Variants in TMEM132E observed in about 807,000 individuals in gnomAD.
The protein encoded by TMEM132E is transmembrane protein 132E.
Under a neutral mutation model 78.5 loss-of-function variants are expected in TMEM132E, and 49 were observed. The observed-to-expected ratio is 0.62, with a 90% CI of 0.50 to 0.79. The LOEUF is 0.79. Among genes scored for constraint, TMEM132E ranks in the 30% least tolerant of loss-of-function variants. TMEM132E has a pLI of 0.00. For synonymous variants in TMEM132E, 715 were observed against 670.6 expected, an observed-to-expected ratio of 1.07 and a Z score of -1.02; for missense variants, 1,403 against 1,470.9, an observed-to-expected ratio of 0.95 and a Z score of 0.75.
chr17:34,617,994 A>G (rs139064490), intron 1 of TMEM132E, among the ~76,000 whole-genome samples: 85 of 152,356 alleles, frequency 5.6e-4, no homozygotes, highest in African/African-American at 1.9e-3. Context: ...ATCTTTGTAC[A>G]TAAAATTGGT....
chr17:34,620,110 T>A (rs1597687340), intron 1 of TMEM132E, among the ~76,000 whole-genome samples: 1 of 152,142 alleles, frequency 6.6e-6, no homozygotes. Context: ...CCCCCACCCC[T>A]AGCCTGCCCG....
intron 1 of TMEM132E, among the ~76,000 whole-genome samples, chr17:34,615,549 G>GTGTGTGTA (rs1406111590): frequency 1.3e-5 from 2 of 150,536 alleles, no homozygotes; most frequent in African/African-American, 2.5e-5. Context: ...GTGTGTGTGT[G>GTGTGTGTA]TGTTAGCACA....
intron 2 of TMEM132E, 93 bp from the exon 3 acceptor site, chr17:34,628,470 C>T (rs1234567823): frequency 3.5e-6 from 5 of 1,434,408 alleles, no homozygotes; most frequent in Non-Finnish European, 4.7e-6. Context: ...TCTGTTCCCC[C>T]TCCCCCCAGT....
Position 34,626,242 on chromosome 17 carries a change from G to T in TMEM132E, c.183G>T (p.Ala61=). Residue 61 remains alanine, a synonymous_variant, in exon 2 of 9, where the codon GCG becomes GCT. Transcript: ENST00000631683. ...HTRLAFFLRE[A]RPPSPAVANS... is the part of the protein sequence containing the mutation. ...GGCTGGCCTTCTTCCTGCGGGAGGCGCGGCCCCCGTCACCCGCGGTCGCCA... is the reference window on the plus strand; with the variant it reads ...GGCTGGCCTTCTTCCTGCGGGAGGCTCGGCCCCCGTCACCCGCGGTCGCCA... 6.3e-7 allele frequency: 1 copy of T among 1,596,196 alleles called. No homozygotes were observed. Among genetic ancestry groups the T allele is most frequent in the Non-Finnish European group, 8.5e-7 (1 of 1,172,030 alleles).
chr17:34,590,255 C>T (rs887228), intron 1 of TMEM132E, among the ~76,000 whole-genome samples: 52,339 of 152,144 alleles, frequency 0.34, 11,378 homozygotes, highest in African/African-American at 0.59. Context: ...ACCAGGAATC[C>T]TCCCCCCCGG....
At chr17:34,629,778 A>T (rs552750064) in intron 4 of TMEM132E, among the ~76,000 whole-genome samples, 1 of 152,142 alleles carries the variant, frequency 6.6e-6, no homozygotes, top group Admixed American at 6.5e-5. Flanking sequence ...TCCCGGCAGC[A>T]CAGTGAGGTG....
chr17:34,638,368 C>G lies in TMEM132E; in HGVS notation c.*136C>G, dbSNP rs1048675088. 18 of 1,011,094 alleles carry G rather than the reference C, an allele frequency of 1.8e-5. No homozygotes were observed. The East Asian group carries it at 1.9e-4, about 11-fold the overall frequency. 62.6% of individuals were successfully genotyped at this position (1,011,094 alleles called of 1,614,324 possible). A position where few individuals can be genotyped will look rare whatever the true frequency, so the allele number is the denominator to read the frequency against. On this transcript the variant is annotated 3_prime_UTR_variant, in exon 9 of 9. Transcript: ENST00000631683. ...ACTCCCTGCCCCTGCAGCTTGGCTC[C>G]GTGCGGAGCGGGCCGCCTCAGTGTC... is the stretch of plus-strand genomic sequence containing the variant.
intron 1 of TMEM132E, among the ~76,000 whole-genome samples, chr17:34,616,948 C>T (rs1906801776): frequency 6.6e-6 from 1 of 152,218 alleles, no homozygotes; most frequent in South Asian, 2.1e-4. Context: ...AGAGCCGGGG[C>T]TGGGTTTTAA....
At chr17:34,622,154 A>G (rs1029339293) in intron 1 of TMEM132E, among the ~76,000 whole-genome samples, 1 of 152,170 alleles carries the variant, frequency 6.6e-6, no homozygotes, top group African/African-American at 2.4e-5. Context: ...GTCTCTGAAA[A>G]CTTGACAGAC....
intron 1 of TMEM132E, among the ~76,000 whole-genome samples, chr17:34,620,354 A>G (rs990578442): frequency 6.6e-6 from 1 of 152,214 alleles, no homozygotes; most frequent in African/African-American, 2.4e-5. Flanking sequence ...CAACTGTTCT[A>G]TAGTATTATA....
Position 34,626,138 on chromosome 17 carries a change from T to C in TMEM132E, c.79T>C (p.Ser27Pro). The C allele has an allele frequency of 6.6e-7, 1 of 1,523,164 alleles. No homozygotes were observed. Among genetic ancestry groups the C allele is most frequent in the Non-Finnish European group, 8.8e-7 (1 of 1,139,570 alleles). 94.4% of individuals were successfully genotyped at this position (1,523,164 alleles called of 1,614,324 possible). A position where few individuals can be genotyped will look rare whatever the true frequency, so the allele number is the denominator to read the frequency against. ...SALLAHASGRSHPASPSPPGP... is the reference protein window; with the variant it reads ...SALLAHASGRPHPASPSPPGP... ...CTGTCTGTCCCCAGCCTCTGGCCGC[T>C]CCCACCCGGCCAGCCCCAGCCCGCC... is the stretch of plus-strand genomic sequence containing the variant. The change falls in exon 2 of 9, where the codon TCC (serine) becomes CCC (proline). Residue 27 changes from serine to proline, a missense_variant. By Grantham distance (74) the Ser-to-Pro change is moderately conservative. This residue lies in a region of TMEM132E where 511 missense variants were observed against 499.0 expected (regional missense o/e 1.02). Coordinates refer to ENST00000631683, the MANE Select transcript of TMEM132E (RefSeq NM_001304438.2).
chr17:34,606,943 G>A (rs995860197), intron 1 of TMEM132E, among the ~76,000 whole-genome samples: 1 of 152,144 alleles, frequency 6.6e-6, no homozygotes, highest in African/African-American at 2.4e-5. Flanking sequence ...GCAGGCAGCA[G>A]CTCCGAAGAA....
rs749658557 is a variant in TMEM132E at position 34,626,136 on chromosome 17, G to A, written c.77G>A (p.Arg26His). 1.3e-6 allele frequency: 2 copies of A among 1,519,324 alleles called. No homozygotes were observed. Among genetic ancestry groups the A allele is most frequent in the Non-Finnish European group, 8.8e-7 (1 of 1,138,030 alleles). 94.1% of individuals were successfully genotyped at this position (1,519,324 alleles called of 1,614,324 possible). ...CTCTGTCTGTCCCCAGCCTCTGGCC[G>A]CTCCCACCCGGCCAGCCCCAGCCCG... is the stretch of plus-strand genomic sequence containing the variant. ...LSALLAHASGRSHPASPSPPG... is the reference protein window; with the variant it reads ...LSALLAHASGHSHPASPSPPG... The change falls in exon 2 of 9, where the codon CGC (arginine) becomes CAC (histidine). Residue 26 changes from arginine to histidine, a missense_variant. Physicochemically the swap from Arg to His is conservative, Grantham distance 29 (BLOSUM62 0). Around this residue, in one of 3 missense-constraint regions of TMEM132E, gnomAD observed 511 missense variants for 499.0 expected, o/e 1.02. Transcript: ENST00000631683.
chr17:34,624,432 G>T (rs1265499373), intron 1 of TMEM132E, among the ~76,000 whole-genome samples: 3 of 152,214 alleles, frequency 2.0e-5, no homozygotes, highest in African/African-American at 7.2e-5. Context: ...CAGGCAGGAT[G>T]GGAGGTCCCT....
intron 1 of TMEM132E, among the ~76,000 whole-genome samples, chr17:34,584,880 T>C (rs111789601): frequency 0.014 from 2,103 of 152,264 alleles, 21 homozygotes; most frequent in Middle Eastern, 0.061. Context: ...TCTGAATACA[T>C]GGTCTCAAAA....
In TMEM132E at chr17:34,636,056, T is replaced by C; in HGVS notation, c.2027T>C (p.Val676Ala). 6.4e-7 allele frequency: 1 copy of C among 1,574,108 alleles called. No homozygotes were observed. Among genetic ancestry groups the C allele is most frequent in the East Asian group, 2.5e-5 (1 of 40,724 alleles). ...EAVLGETLLT[V>A]TEEKVSITQL... ...GTGCTCGGGGAGACGCTGCTGACGG[T>C]GACTGAGGAGAAGGTCAGCATCACA... Residue 676 changes from valine (V) to alanine (A), a missense_variant, in exon 8 of 9, where the codon GTG (valine) becomes GCG (alanine). Physicochemically the swap from Val to Ala is moderately conservative, Grantham distance 64. Transcript: ENST00000631683.
rs182287292 is a variant in TMEM132E at position 34,616,858 on chromosome 17, G to T, written c.68-9269G>T. The stretch of plus-strand genomic sequence containing the variant: ...AGCCTGGGGTGGGGACATGCCTGTG[G>T]GGACCAGCTTAGGTGGTATCTTTGT... On this transcript the variant is annotated intron_variant, in intron 1 of 8. Transcript: ENST00000631683. Among the ~76,000 whole-genome samples, 62 of 152,302 alleles carry T rather than the reference G, an allele frequency of 4.1e-4. No individual in the cohort carries two copies. The East Asian group carries it at 0.011, about 27-fold the overall frequency.
chr17:34,581,129 C>T lies in TMEM132E; in HGVS notation c.53C>T (p.Ala18Val), dbSNP rs763274959. ...RGGAALLCLS[A>V]LLAHASGRSH... ...GGCGCCGCCCTGCTCTGCCTCTCAG[C>T]GCTACTCGCCCACGGTAAGTGTCGC... is the stretch of plus-strand genomic sequence containing the variant. Residue 18 changes from alanine (A) to valine (V), a missense_variant, in exon 1 of 9, where the codon GCG becomes GTG. Transcript: ENST00000631683. The T allele has an allele frequency of 1.3e-6, 2 of 1,523,964 alleles. No individual in the cohort carries two copies. The highest frequency in any genetic ancestry group is 1.2e-5 in the South Asian group (1 of 81,692). 94.4% of individuals were successfully genotyped at this position (1,523,964 alleles called of 1,614,324 possible). A position where few individuals can be genotyped will look rare whatever the true frequency, so the allele number is the denominator to read the frequency against.
chr17:34,604,936 C>G (rs1162085775), intron 1 of TMEM132E, among the ~76,000 whole-genome samples: 1 of 152,172 alleles, frequency 6.6e-6, no homozygotes, highest in Non-Finnish European at 1.5e-5. Context: ...ACAACTTTCT[C>G]AAGGTCACAC....
Sources: gnomAD v4.1 joint callset for allele counts (sites outside exome capture counted in the v4.1 genomes callset) on GRCh38, gnomAD v4.1.1 for gene constraint, gnomAD v4.1.1 regional missense constraint, MANE v1.5 for transcripts, NCBI Gene and HGNC (gene_info 2026-07-23, HGNC 2026-07-21) for gene names.